The following BACH1 variants were observed in gnomAD, a reference collection of about 807,000 sequenced individuals.
The protein encoded by BACH1 is BTB domain and CNC homolog 1.
BACH1 carries 35 observed loss-of-function variants against 52.9 expected under a neutral mutation model. That is an observed-to-expected ratio of 0.66 (90% CI 0.51 to 0.88). The LOEUF (loss-of-function observed/expected upper bound fraction) is 0.88, where lower values mean the gene tolerates loss of function less well. BACH1 is among the 40% of genes least tolerant of loss of function. BACH1 has a pLI of 0.00. For synonymous variants in BACH1, 321 were observed against 319.6 expected (o/e 1.00, Z -0.05); for missense variants, 808 against 872.6 (o/e 0.93, Z 0.93).
At chr21:29,315,854 G>A (rs938260006) in intron 1 of BACH1, among the ~76,000 whole-genome samples, 2 of 151,906 alleles carry the variant, frequency 1.3e-5, no homozygotes, top group Admixed American at 6.6e-5. Context: ...TCTAGGTTAT[G>A]TTCTTGAAGG....
intron 2 of BACH1, among the ~76,000 whole-genome samples, chr21:29,324,796 T>C (rs1252835640): frequency 6.6e-6 from 1 of 152,168 alleles, no homozygotes. Flanking sequence ...TTTTTCAAAG[T>C]GTCTGTACCA....
At chr21:29,331,531 C>T (rs2088982478) in intron 4 of BACH1, among the ~76,000 whole-genome samples, 1 of 152,104 alleles carries the variant, frequency 6.6e-6, no homozygotes, top group Non-Finnish European at 1.5e-5. Context: ...CATTGGTTTG[C>T]TAGATTATTG....
downstream of BACH1, among the ~76,000 whole-genome samples, chr21:29,349,968 C>T (rs1420106792): frequency 2.0e-5 from 3 of 152,124 alleles, no homozygotes; most frequent in South Asian, 6.2e-4. Flanking sequence ...GCGCCTTTCA[C>T]TTAAGATGCC....
chr21:29,324,405 G>A lies in BACH1; in HGVS notation c.235-1654G>A, dbSNP rs141089499. The stretch of plus-strand genomic sequence containing the variant: ...ATCTTTCTTCCTTTTCTAAAGTTTT[G>A]TCATTCTAAAAATGTTATATAAATG... On this transcript the variant is annotated intron_variant, in intron 2 of 4. Coordinates refer to ENST00000286800, the MANE Select transcript of BACH1 (RefSeq NM_001186.4). Among the ~76,000 whole-genome samples, 11 of 151,852 alleles carry A rather than the reference G, an allele frequency of 7.2e-5. No homozygotes were observed. In the East Asian group the frequency reaches 2.1e-3, roughly 29 times the overall value.
intron 1 of BACH1, among the ~76,000 whole-genome samples, chr21:29,314,445 T>C (rs1474399978): frequency 6.6e-6 from 1 of 152,214 alleles, no homozygotes; most frequent in Non-Finnish European, 1.5e-5. Context: ...ATTTCGAATA[T>C]GGATTTAGAC....
chr21:29,339,407 T>C (rs981956218), intron 4 of BACH1, among the ~76,000 whole-genome samples: 2 of 152,160 alleles, frequency 1.3e-5, no homozygotes, highest in Non-Finnish European at 2.9e-5. Context: ...ATTTGCAGAT[T>C]TCTCTGAACT....
chr21:29,325,440 C>T (rs908895710), intron 2 of BACH1, among the ~76,000 whole-genome samples: 1 of 152,102 alleles, frequency 6.6e-6, no homozygotes, highest in African/African-American at 2.4e-5. Flanking sequence ...TGAATTTTTG[C>T]TGAAACAGTA....
At chr21:29,358,582 A>T (rs2089248771) in intron 2 of BACH1, among the ~76,000 whole-genome samples, 1 of 151,970 alleles carries the variant, frequency 6.6e-6, no homozygotes, top group Non-Finnish European at 1.5e-5. Context: ...TCTACTAAAA[A>T]TCCAAAAATT....
intron 2 of BACH1, among the ~76,000 whole-genome samples, chr21:29,356,967 C>T (rs187859500): frequency 9.9e-5 from 15 of 152,276 alleles, no homozygotes; most frequent in African/African-American, 3.4e-4. Flanking sequence ...CTTTTGATGG[C>T]TTTGGCAGTG....
rs551523801 is a variant in BACH1, at chr21:29,318,617, T to A, written c.-60-2604T>A. Among the ~76,000 whole-genome samples, 7 of 152,336 alleles carry A rather than the reference T, an allele frequency of 4.6e-5. No individual in the cohort carries two copies. The South Asian group carries it at 1.4e-3, about 32-fold the overall frequency. On this transcript the variant is annotated intron_variant, in intron 1 of 4. Transcript: ENST00000286800. Reference sequence around the variant, plus strand: ...TACTGAAAACTGCCTAAACAGATGTTGAGCCAATAATTAATTCTCTGGAAT... The same window carrying A: ...TACTGAAAACTGCCTAAACAGATGTAGAGCCAATAATTAATTCTCTGGAAT...
intron 2 of BACH1, among the ~76,000 whole-genome samples, chr21:29,324,107 C>G (rs557719570): frequency 6.6e-6 from 1 of 152,034 alleles, no homozygotes; most frequent in East Asian, 1.9e-4. Flanking sequence ...CAAAAATTAG[C>G]CAGGCGTGGT....
chr21:29,329,489 A>G lies in BACH1; in HGVS notation c.1572A>G (p.Val524=). The G allele has an allele frequency of 6.5e-7, 1 of 1,541,082 alleles. No individual in the cohort carries two copies. Among genetic ancestry groups the G allele is most frequent in the Non-Finnish European group, 8.7e-7 (1 of 1,146,312 alleles). Residue 524 remains valine (V), a splice_region_variant and synonymous_variant, in exon 4 of 5, where the codon GTA becomes GTG. Transcript: ENST00000286800. ...SCSAREQECE[V]KLPFNAQRII... ...GTAATATTTATTTCATATTCTAGGT[A>G]AAACTGCCATTCAATGCACAACGGA...
chr21:29,322,709 A>T (rs575703936), intron 2 of BACH1, among the ~76,000 whole-genome samples: 1 of 152,228 alleles, frequency 6.6e-6, no homozygotes, highest in Non-Finnish European at 1.5e-5. Context: ...AACTAAGTCT[A>T]CAGTTTAGCT....
chr21:29,313,634 T>G (rs1217136937), intron 1 of BACH1, among the ~76,000 whole-genome samples: 2 of 152,224 alleles, frequency 1.3e-5, no homozygotes, highest in African/African-American at 4.8e-5. Flanking sequence ...AAGGAACATC[T>G]GATGTATGCA....
chr21:29,302,572 A>G (rs2088615227), intron 1 of BACH1, among the ~76,000 whole-genome samples: 1 of 152,226 alleles, frequency 6.6e-6, no homozygotes, highest in Non-Finnish European at 1.5e-5. Context: ...TTTCCTCTGT[A>G]AAACAGGGGT....
At chr21:29,304,703 C>T (rs1026114199) in intron 1 of BACH1, among the ~76,000 whole-genome samples, 1 of 152,062 alleles carries the variant, frequency 6.6e-6, no homozygotes, top group Non-Finnish European at 1.5e-5. Flanking sequence ...ATTTGTCTGC[C>T]TCCAGGACCC....
chr21:29,323,482 G>C (rs893444766), intron 2 of BACH1, among the ~76,000 whole-genome samples: 20 of 152,192 alleles, frequency 1.3e-4, no homozygotes, highest in African/African-American at 4.8e-4. Flanking sequence ...CATCCAGCAG[G>C]GGAGAAAGAT....
intron 2 of BACH1, among the ~76,000 whole-genome samples, chr21:29,321,896 T>C (rs1435873409): frequency 1.3e-5 from 2 of 152,206 alleles, no homozygotes; most frequent in East Asian, 1.9e-4. Context: ...GTTAGTCTGT[T>C]CTCGTGGCGC....
chr21:29,339,629 G>GTTTTT (rs34979217), intron 4 of BACH1, among the ~76,000 whole-genome samples: 6 of 98,514 alleles, frequency 6.1e-5, no homozygotes, highest in South Asian at 7.1e-4. Context: ...AGATGCAAAG[G>GTTTTT]TTTTTTTTTT....
Sources: allele counts gnomAD v4.1 joint callset (sites outside exome capture counted in the v4.1 genomes callset), GRCh38; gene constraint gnomAD v4.1.1; transcripts MANE v1.5; gene names NCBI Gene and HGNC (gene_info 2026-07-23, HGNC 2026-07-21).